The following SAMD5 variants were observed in gnomAD, a reference collection of about 807,000 sequenced individuals.
SAMD5 encodes sterile alpha motif domain containing 5.
Under a neutral mutation model 11.3 loss-of-function variants are expected in SAMD5, and 13 were observed. The ratio of observed to expected loss-of-function variants is 1.15; its 90% CI spans 0.75 to 1.83. The LOEUF is 1.83. Among genes scored for constraint, SAMD5 ranks in the 40% most tolerant of loss-of-function variants. SAMD5 has a pLI of 0.00. For synonymous variants in SAMD5, 129 were observed against 111.3 expected (o/e 1.16, Z -1.00); for missense variants, 255 against 239.1 (o/e 1.07, Z -0.44).
the SAMD5 span, among the ~76,000 whole-genome samples, chr6:147,777,630 C>T: frequency 6.6e-6 from 1 of 152,166 alleles, no homozygotes; most frequent in Non-Finnish European, 1.5e-5. Flanking sequence ...ACTTTCAAAA[C>T]TTTTTATCAC....
At chr6:147,735,964 T>C (rs139946714) in intron 1 of SAMD5, among the ~76,000 whole-genome samples, 12 of 152,256 alleles carry the variant, frequency 7.9e-5, no homozygotes, top group African/African-American at 2.9e-4. Context: ...GGCTCTTTTC[T>C]CATCTGTAAA....
At chr6:147,729,188 A>G (rs1339604233) in intron 1 of SAMD5, among the ~76,000 whole-genome samples, 2 of 152,204 alleles carry the variant, frequency 1.3e-5, no homozygotes, top group Non-Finnish European at 2.9e-5. Flanking sequence ...GACACCAGTC[A>G]TATTGGATTA....
chr6:147,738,920 C>A (rs1223833805), downstream of SAMD5, among the ~76,000 whole-genome samples: 3 of 152,114 alleles, frequency 2.0e-5, no homozygotes, highest in Non-Finnish European at 4.4e-5. Context: ...CACCACACAC[C>A]CCCACCCACG....
intron 1 of SAMD5, among the ~76,000 whole-genome samples, chr6:147,515,188 T>C (rs1348223786): frequency 1.4e-5 from 2 of 137,990 alleles, no homozygotes; most frequent in African/African-American, 5.5e-5. Flanking sequence ...TTTTTTTTTT[T>C]TTTTTTTTTT....
chr6:147,850,791 T>C, the SAMD5 span, among the ~76,000 whole-genome samples: 9 of 152,080 alleles, frequency 5.9e-5, no homozygotes, highest in African/African-American at 2.2e-4. Context: ...GCCTCAGTCC[T>C]GTTTGTGCTA....
At chr6:147,794,332 GTTAACCCAT>G in the SAMD5 span, among the ~76,000 whole-genome samples, 1 of 152,010 alleles carries the variant, frequency 6.6e-6, no homozygotes, top group Non-Finnish European at 1.5e-5. Context: ...TTTTCTTACA[GTTAACCCAT>G]TTTCTCATTA....
chr6:147,509,835 G>C (rs1039699832), intron 1 of SAMD5, among the ~76,000 whole-genome samples: 1 of 151,988 alleles, frequency 6.6e-6, no homozygotes, highest in Non-Finnish European at 1.5e-5. Context: ...AAGGGAAATC[G>C]GTGAACTCTT....
chr6:147,827,794 A>ATTTT, the SAMD5 span, among the ~76,000 whole-genome samples: 3 of 146,230 alleles, frequency 2.1e-5, no homozygotes, highest in African/African-American at 5.0e-5. Context: ...CTAACATGAC[A>ATTTT]TTTTTTTTTT....
chr6:147,858,830 A>G, the SAMD5 span, among the ~76,000 whole-genome samples: 4 of 152,248 alleles, frequency 2.6e-5, no homozygotes, highest in South Asian at 8.3e-4. Context: ...TTGATTCAAT[A>G]AGTAAATATT....
At chr6:147,734,910 A>G in intron 1 of SAMD5, among the ~76,000 whole-genome samples, 1 of 152,024 alleles carries the variant, frequency 6.6e-6, no homozygotes, top group Non-Finnish European at 1.5e-5. Flanking sequence ...TCTGCAAGGT[A>G]TTGACTCTTA....
At chr6:147,935,795 T>A in the SAMD5 span, among the ~76,000 whole-genome samples, 2 of 152,180 alleles carry the variant, frequency 1.3e-5, no homozygotes, top group Non-Finnish European at 2.9e-5. Context: ...ACTGCTAAGT[T>A]ATCTACCAGG....
At chr6:147,793,145 GGTCAACATCAACAACAA>G in the SAMD5 span, among the ~76,000 whole-genome samples, 555 of 152,220 alleles carry the variant, frequency 3.6e-3, 3 homozygotes, top group African/African-American at 0.01. Flanking sequence ...AGGTGATCAA[GGTCAACATCAACAACAA>G]GTCATGTTGC....
chr6:147,823,358 C>T, the SAMD5 span, among the ~76,000 whole-genome samples: 3 of 152,090 alleles, frequency 2.0e-5, no homozygotes, highest in African/African-American at 7.2e-5. Flanking sequence ...TCTCCCAGGA[C>T]TTAAGAGATT....
intron 1 of SAMD5, among the ~76,000 whole-genome samples, chr6:147,649,589 C>T (rs963756845): frequency 2.0e-5 from 3 of 152,066 alleles, no homozygotes; most frequent in South Asian, 2.1e-4. Context: ...GTCACGAGTT[C>T]GAGACCAGCC....
At chr6:147,816,144 G>A in the SAMD5 span, among the ~76,000 whole-genome samples, 1 of 150,844 alleles carries the variant, frequency 6.6e-6, no homozygotes, top group South Asian at 2.1e-4. Flanking sequence ...GCTAGGTGTG[G>A]TGGCGCGCGC....
At chr6:147,929,704 C>T in the SAMD5 span, among the ~76,000 whole-genome samples, 15 of 152,110 alleles carry the variant, frequency 9.9e-5, no homozygotes, top group Non-Finnish European at 2.1e-4. Context: ...ATGTTGGCAA[C>T]TTATATTCTG....
At chr6:147,632,000 T>C (rs1044724604) in intron 1 of SAMD5, among the ~76,000 whole-genome samples, 4 of 152,198 alleles carry the variant, frequency 2.6e-5, no homozygotes, top group Non-Finnish European at 5.9e-5. Flanking sequence ...GATATTTTCC[T>C]TGGTCCAAGA....
the SAMD5 span, among the ~76,000 whole-genome samples, chr6:147,858,438 T>C: frequency 1.3e-5 from 2 of 152,214 alleles, no homozygotes; most frequent in African/African-American, 4.8e-5. Flanking sequence ...CAATTTATTG[T>C]ATTAGTTTAG....
intron 1 of SAMD5, among the ~76,000 whole-genome samples, chr6:147,539,296 C>A (rs1788562308): frequency 6.6e-6 from 1 of 152,152 alleles, no homozygotes; most frequent in Non-Finnish European, 1.5e-5. Context: ...GTCTCATCTC[C>A]CAGTCGCGGG....
Sources: gnomAD v4.1 joint callset for allele counts (sites outside exome capture counted in the v4.1 genomes callset) on GRCh38, gnomAD v4.1.1 for gene constraint, MANE v1.5 for transcripts, NCBI Gene and HGNC (gene_info 2026-07-23, HGNC 2026-07-21) for gene names.